Variants in LINGO4 observed in about 807,000 individuals in gnomAD.
LINGO4 encodes leucine-rich repeat and immunoglobulin-like domain-containing nogo receptor-interacting protein 4.
Under a neutral mutation model 27.9 loss-of-function variants are expected in LINGO4, and 22 were observed. That is an observed-to-expected ratio of 0.79 (90% CI 0.56 to 1.13). The LOEUF (loss-of-function observed/expected upper bound fraction) is 1.13, where lower values mean the gene tolerates loss of function less well. Among genes scored for constraint, LINGO4 ranks in the 50% most tolerant of loss-of-function variants. LINGO4 has a pLI of 0.00. For synonymous variants in LINGO4, 306 were observed against 325.8 expected (o/e 0.94, Z 0.65); for missense variants, 706 against 739.4 (o/e 0.95, Z 0.52).
chr1:151,801,977 G>A lies in LINGO4; in HGVS notation c.728C>T (p.Ala243Val), dbSNP rs1651161529. 1 of 1,614,062 alleles carries A rather than the reference G, an allele frequency of 6.2e-7. No homozygotes were observed. The highest frequency in any genetic ancestry group is 1.7e-5 in the Admixed American group (1 of 60,014). Reference protein sequence around the residue: ...LEIHLWPSLEALDPGSLVGLN... With the variant: ...LEIHLWPSLEVLDPGSLVGLN... ...CCCAACCAGGCTCCCAGGGTCCAGA[G>A]CCTCCAGAGATGGCCAGAGGTGGAT... The change falls in exon 2 of 2, where the codon GCT becomes GTT. Residue 243 changes from alanine (A) to valine (V), a missense_variant. Ala to Val is a moderately conservative substitution (Grantham distance 64, BLOSUM62 0). Coordinates refer to ENST00000368820, the MANE Select transcript of LINGO4 (RefSeq NM_001004432.4). The surrounding 1 kb of genome is among the most constrained non-coding windows in gnomAD (Gnocchi z 5.7).
intron 1 of LINGO4, among the ~76,000 whole-genome samples, chr1:151,804,080 G>A (rs554553834): frequency 6.6e-6 from 1 of 152,290 alleles, no homozygotes; most frequent in South Asian, 2.1e-4. Flanking sequence ...GGGCTTGTGG[G>A]CTTCAGGCTC....
chr1:151,802,720 G>C lies in LINGO4; in HGVS notation c.-13-3C>G. 6.8e-7 allele frequency: 1 copy of C among 1,473,404 alleles called. No individual in the cohort carries two copies. Among genetic ancestry groups the C allele is most frequent in the South Asian group, 1.4e-5 (1 of 70,518 alleles). The allele number at this position is 1,473,404 out of a possible 1,614,324, so 91.3% of individuals were successfully genotyped here. On this transcript the variant is annotated splice_polypyrimidine_tract_variant and splice_region_variant and intron_variant, in intron 1 of 1. Coordinates refer to ENST00000368820, the MANE Select transcript of LINGO4 (RefSeq NM_001004432.4). ...CTGCATCCATTCCCTCTTCAGTCCT[G>C]GAATAGATGATGACATGGCCCTTTT...
rs1163944261 is a variant in LINGO4, at chr1:151,802,088, A to G, written c.617T>C (p.Leu206Pro). The change falls in exon 2 of 2, where the codon CTA becomes CCA. Residue 206 changes from leucine to proline, a missense_variant. Coordinates refer to ENST00000368820, the MANE Select transcript of LINGO4 (RefSeq NM_001004432.4). Reference protein sequence around the residue: ...PGLALARLPALVALRLRELDI... With the variant: ...PGLALARLPAPVALRLRELDI... ...CAGTTCTCTAAGCCTTAGGGCCACT[A>G]GTGCCGGGAGACGGGCAAGGGCTAG... is the stretch of plus-strand genomic sequence containing the variant. The G allele has an allele frequency of 1.2e-6, 2 of 1,613,894 alleles. No homozygotes were observed. Among genetic ancestry groups the G allele is most frequent in the South Asian group, 1.1e-5 (1 of 91,090 alleles).
chr1:151,802,565 C>A lies in LINGO4; in HGVS notation c.140G>T (p.Gly47Val). 1 of 1,600,376 alleles carries A rather than the reference C, an allele frequency of 6.2e-7. No homozygotes were observed. Among genetic ancestry groups the A allele is most frequent in the East Asian group, 2.3e-5 (1 of 44,312 alleles). ...AGGTACAGCCTCCAGTTGCCTGTGG[C>A]CACAGAGCACAGCCTGGGGCTGGGA... ...CTSQPQAVLCGHRQLEAVPGG... is the reference protein window; with the variant it reads ...CTSQPQAVLCVHRQLEAVPGG... The change falls in exon 2 of 2, where the codon GGC becomes GTC. Residue 47 changes from glycine (G) to valine (V), a missense_variant. Physicochemically the swap from Gly to Val is moderately radical, Grantham distance 109 (BLOSUM62 -3). Transcript: ENST00000368820.
At position 151,800,596 on chromosome 1, in the gene LINGO4, T is replaced by C. The variant is rs1254062046; in HGVS notation, c.*327A>G. On this transcript the variant is annotated 3_prime_UTR_variant, in exon 2 of 2. Coordinates refer to ENST00000368820, the MANE Select transcript of LINGO4 (RefSeq NM_001004432.4). ...TTGGTTATTAAAGGATATAAGCATG[T>C]GTGAAGAAAGCCTAGTGGTTAGACT... 2.4e-5 allele frequency: 7 copies of C among 287,664 alleles called. No individual in the cohort carries two copies. The highest frequency in any genetic ancestry group is 4.6e-5 in the Non-Finnish European group (7 of 153,278). 17.8% of individuals were successfully genotyped at this position (287,664 alleles called of 1,614,324 possible).
Position 151,800,661 on chromosome 1 carries a change from T to C in LINGO4, c.*262A>G, listed in dbSNP as rs945250063. The stretch of plus-strand genomic sequence containing the variant: ...TTGATTATGTTTCCTGTTTTGTGTG[T>C]GGAGGGGGTGAAGCAGGGGCTGGAC... On this transcript the variant is annotated 3_prime_UTR_variant, in exon 2 of 2. Coordinates refer to ENST00000368820, the MANE Select transcript of LINGO4 (RefSeq NM_001004432.4). 4.2e-6 allele frequency: 2 copies of C among 474,478 alleles called. No individual in the cohort carries two copies. Among genetic ancestry groups the C allele is most frequent in the Non-Finnish European group, 7.5e-6 (2 of 267,544 alleles). The allele number at this position is 474,478 out of a possible 1,614,324, so 29.4% of individuals were successfully genotyped here. A position where few individuals can be genotyped will look rare whatever the true frequency, so the allele number is the denominator to read the frequency against.
rs745825158 is a variant in LINGO4 at position 151,801,021 on chromosome 1, C to T, written c.1684G>A (p.Gly562Ser). Residue 562 changes from glycine (G) to serine (S), a missense_variant, in exon 2 of 2, where the codon GGT (glycine) becomes AGT (serine). Coordinates refer to ENST00000368820, the MANE Select transcript of LINGO4 (RefSeq NM_001004432.4). This position sits in a 1 kb window ranked among gnomAD's most constrained non-coding sequence, Gnocchi z 5.7. ...AAGGTCATGTGATGTTTGACCCGAC[C>T]TTTGCCCTTGCTCCAAAGGGCAATC... is the stretch of plus-strand genomic sequence containing the variant. The part of the protein sequence containing the change: ...GLIALWSKGK[G>S]RVKHHMTFDF... 3 of 1,614,184 alleles carry T rather than the reference C, an allele frequency of 1.9e-6. No homozygotes were observed. Among genetic ancestry groups the T allele is most frequent in the Non-Finnish European group, 1.7e-6 (2 of 1,180,020 alleles).
rs61746191 is a variant in LINGO4, at chr1:151,801,594, G to C, written c.1111C>G (p.Arg371Gly). 6.2e-7 allele frequency: 1 copy of C among 1,613,670 alleles called. No individual in the cohort carries two copies. Among genetic ancestry groups the C allele is most frequent in the East Asian group, 2.2e-5 (1 of 44,894 alleles). ...TCDCRLLWLL[R>G]LRRHLDFGMS... The stretch of plus-strand genomic sequence containing the variant: ...CCAAAGTCCAGGTGGCGGCGGAGCC[G>C]GAGCAGCCAGAGGAGGCGGCAGTCA... Residue 371 changes from arginine to glycine, a missense_variant, in exon 2 of 2, where the codon CGG (arginine) becomes GGG (glycine). By Grantham distance (125) the Arg-to-Gly change is moderately radical. Coordinates refer to ENST00000368820, the MANE Select transcript of LINGO4 (RefSeq NM_001004432.4). The surrounding 1 kb of genome is among the most constrained non-coding windows in gnomAD (Gnocchi z 5.7).
chr1:151,801,838 T>C lies in LINGO4; in HGVS notation c.867A>G (p.Ser289=). The change falls in exon 2 of 2, where the codon TCA becomes TCG. Residue 289 remains serine (S), a synonymous_variant. Coordinates refer to ENST00000368820, the MANE Select transcript of LINGO4 (RefSeq NM_001004432.4). The surrounding 1 kb of genome is among the most constrained non-coding windows in gnomAD (Gnocchi z 5.7). ...GGCTGAGCCTTCGGGCTGGGATGGC[T>C]GAGATGGGATTCTGGGACAGATCCA... ...RVLDLSQNPI[S]AIPARRLSPL... The C allele has an allele frequency of 6.2e-7, 1 of 1,614,148 alleles. No homozygotes were observed. Among genetic ancestry groups the C allele is most frequent in the Non-Finnish European group, 8.5e-7 (1 of 1,180,018 alleles).
At chr1:151,804,877 G>A (rs1478924425) in intron 1 of LINGO4, among the ~76,000 whole-genome samples, 1 of 152,162 alleles carries the variant, frequency 6.6e-6, no homozygotes, top group East Asian at 1.9e-4. Flanking sequence ...TGGGTATCCT[G>A]TATCCTCTTT....
In LINGO4 at chr1:151,802,092, C is replaced by G; in HGVS notation, c.613G>C (p.Ala205Pro). The G allele has an allele frequency of 6.2e-7, 1 of 1,613,968 alleles. No individual in the cohort carries two copies. The highest frequency in any genetic ancestry group is 8.5e-7 in the Non-Finnish European group (1 of 1,180,012). ...VPGLALARLP[A>P]LVALRLRELD... ...TCTCTAAGCCTTAGGGCCACTAGTG[C>G]CGGGAGACGGGCAAGGGCTAGGCCA... The change falls in exon 2 of 2, where the codon GCA becomes CCA. Residue 205 changes from alanine (A) to proline (P), a missense_variant. Ala to Pro is a conservative substitution (Grantham distance 27). Coordinates refer to ENST00000368820, the MANE Select transcript of LINGO4 (RefSeq NM_001004432.4).
chr1:151,800,967 C>A lies in LINGO4; in HGVS notation c.1738G>T (p.Asp580Tyr). The change falls in exon 2 of 2, where the codon GAT (aspartate) becomes TAT (tyrosine). Residue 580 changes from aspartate to tyrosine, a missense_variant. Physicochemically the swap from Asp to Tyr is radical, Grantham distance 160. Transcript: ENST00000368820. ...ACCCGGTTACCCCCAGAGTTTTTAT[C>A]CCCAGAGGGCCGAGGTGCCACAAAG... ...FDFVAPRPSGDKNSGGNRVTA... is the reference protein window; with the variant it reads ...FDFVAPRPSGYKNSGGNRVTA... 6.2e-7 allele frequency: 1 copy of A among 1,613,346 alleles called. No individual in the cohort carries two copies. Among genetic ancestry groups the A allele is most frequent in the East Asian group, 2.2e-5 (1 of 44,854 alleles).
chr1:151,802,728 T>C lies in LINGO4; in HGVS notation c.-13-11A>G. ...ATTCCCTCTTCAGTCCTGGAATAGA[T>C]GATGACATGGCCCTTTTTGGAAAGT... On this transcript the variant is annotated splice_polypyrimidine_tract_variant and intron_variant, in intron 1 of 1. Transcript: ENST00000368820. 6.8e-7 allele frequency: 1 copy of C among 1,460,046 alleles called. No individual in the cohort carries two copies. Among genetic ancestry groups the C allele is most frequent in the African/African-American group, 1.4e-5 (1 of 70,930 alleles). The allele number at this position is 1,460,046 out of a possible 1,614,324, so 90.4% of individuals were successfully genotyped here. A position where few individuals can be genotyped will look rare whatever the true frequency, so the allele number is the denominator to read the frequency against.
Position 151,801,408 on chromosome 1 carries a change from A to G in LINGO4, c.1297T>C (p.Phe433Leu). ...GGGTCTCCATCTCCAGAGCAGGAGA[A>G]AACCGCATGCCCGCCCTCCTCTGCA... ...VIAEEGGHAV[F>L]SCSGDGDPAP... The change falls in exon 2 of 2, where the codon TTC becomes CTC. Residue 433 changes from phenylalanine (F) to leucine (L), a missense_variant. By Grantham distance (22) the Phe-to-Leu change is conservative. Coordinates refer to ENST00000368820, the MANE Select transcript of LINGO4 (RefSeq NM_001004432.4). This position sits in a 1 kb window ranked among gnomAD's most constrained non-coding sequence, Gnocchi z 5.7. The G allele has an allele frequency of 6.2e-7, 1 of 1,614,186 alleles. No individual in the cohort carries two copies. The highest frequency in any genetic ancestry group is 8.5e-7 in the Non-Finnish European group (1 of 1,180,022).
In LINGO4 at chr1:151,801,161, T is replaced by C. The variant is rs1651132297; in HGVS notation, c.1544A>G (p.Asn515Ser). ...CCCTGGGATCCCTGGCACGGTGATG[T>C]TGGGGTCAGAAAGTGTGCCGTTTGG... is the stretch of plus-strand genomic sequence containing the variant. ...EPPNGTLSDPNITVPGIPGPF... is the reference protein window; with the variant it reads ...EPPNGTLSDPSITVPGIPGPF... The change falls in exon 2 of 2, where the codon AAC (asparagine) becomes AGC (serine). Residue 515 changes from asparagine (N) to serine (S), a missense_variant. Physicochemically the swap from Asn to Ser is conservative, Grantham distance 46. Coordinates refer to ENST00000368820, the MANE Select transcript of LINGO4 (RefSeq NM_001004432.4). This position sits in a 1 kb window ranked among gnomAD's most constrained non-coding sequence, Gnocchi z 5.7. 2 of 1,614,076 alleles carry C rather than the reference T, an allele frequency of 1.2e-6. No homozygotes were observed. Among genetic ancestry groups the C allele is most frequent in the Non-Finnish European group, 1.7e-6 (2 of 1,180,024 alleles).
rs373300125 is a variant in LINGO4, at chr1:151,800,888, C to T, written c.*35G>A. On this transcript the variant is annotated 3_prime_UTR_variant, in exon 2 of 2. Transcript: ENST00000368820. ...CTGTCTTCCCCTTTGGTATCTGAAG[C>T]GGACTTGGTGGGTTCCCCACTGGGG... The T allele has an allele frequency of 6.1e-5, 94 of 1,547,852 alleles. No homozygotes were observed. The highest frequency in any genetic ancestry group is 3.6e-4 in the African/African-American group (26 of 72,986).
Position 151,802,290 on chromosome 1 carries a change from G to C in LINGO4, c.415C>G (p.Leu139Val), listed in dbSNP as rs1413366492. 4 of 1,614,202 alleles carry C rather than the reference G, an allele frequency of 2.5e-6. No homozygotes were observed. Among genetic ancestry groups the C allele is most frequent in the Non-Finnish European group, 1.7e-6 (2 of 1,180,024 alleles). The change falls in exon 2 of 2, where the codon CTC becomes GTC. Residue 139 changes from leucine to valine, a missense_variant. Leu to Val is a conservative substitution (Grantham distance 32, BLOSUM62 1). Transcript: ENST00000368820. Reference protein sequence around the residue: ...SGLSALTLLDLRLNQIVLFLD... With the variant: ...SGLSALTLLDVRLNQIVLFLD... ...AAGAGAACAATCTGGTTGAGGCGGAGGTCCAGCAGGGTCAGAGCAGAGAGG... is the reference window on the plus strand; with the variant it reads ...AAGAGAACAATCTGGTTGAGGCGGACGTCCAGCAGGGTCAGAGCAGAGAGG...
rs1444677810 is a variant in LINGO4 at position 151,802,036 on chromosome 1, G to A, written c.669C>T (p.Ala223=). The part of the protein sequence containing the change: ...ELDIGRLPAG[A]LRGLGQLKEL... ...CCTTGAGCTGCCCCAGCCCCCGCAG[G>A]GCCCCAGCTGGCAGCCTCCCAATAT... Residue 223 remains alanine, a synonymous_variant, in exon 2 of 2, where the codon GCC becomes GCT. Coordinates refer to ENST00000368820, the MANE Select transcript of LINGO4 (RefSeq NM_001004432.4). The A allele has an allele frequency of 9.3e-6, 15 of 1,614,036 alleles. No individual in the cohort carries two copies. Among genetic ancestry groups the A allele is most frequent in the East Asian group, 2.2e-5 (1 of 44,900 alleles).
chr1:151,802,806 A>C, intron 1 of LINGO4, 89 bp from the exon 2 acceptor site: 2 of 936,020 alleles, frequency 2.1e-6, no homozygotes, highest in South Asian at 2.0e-5. Flanking sequence ...GAGAGGAGAG[A>C]AATTGGTCTA....
Sources: gnomAD v4.1 joint callset for allele counts (sites outside exome capture counted in the v4.1 genomes callset) on GRCh38, gnomAD v4.1.1 for gene constraint, Gnocchi (gnomAD v3.1) non-coding constraint, MANE v1.5 for transcripts, NCBI Gene and HGNC (gene_info 2026-07-23, HGNC 2026-07-21) for gene names.